DSCAML1: variants seen among roughly 807,000 people sequenced by gnomAD.
DSCAML1 encodes cell adhesion molecule DSCAML1.
DSCAML1 carries 38 observed loss-of-function variants against 200.5 expected under a neutral mutation model. That is an observed-to-expected ratio of 0.19 (90% confidence interval 0.15 to 0.25). DSCAML1 has a LOEUF of 0.25. DSCAML1 is among the 10% of genes least tolerant of loss of function. The pLI is 1.00. For synonymous variants in DSCAML1, 1,215 were observed against 1,165.0 expected (o/e 1.04, Z -0.87); for missense variants, 2,223 against 2,858.8 (o/e 0.78, Z 5.07).
At chr11:117,568,676 C>A (rs970047396) in intron 3 of DSCAML1, among the ~76,000 whole-genome samples, 1 of 152,130 alleles carries the variant, frequency 6.6e-6, no homozygotes, top group Non-Finnish European at 1.5e-5. Context: ...ACATGAACGA[C>A]CTCTTCAAGG....
At chr11:117,784,309 C>G (rs561408506) in intron 1 of DSCAML1, among the ~76,000 whole-genome samples, 1 of 152,322 alleles carries the variant, frequency 6.6e-6, no homozygotes, top group East Asian at 1.9e-4. Context: ...TTTACCATCA[C>G]AAGGCACCTG....
intron 3 of DSCAML1, among the ~76,000 whole-genome samples, chr11:117,546,830 C>T (rs1398912792): frequency 1.3e-5 from 2 of 152,130 alleles, no homozygotes; most frequent in African/African-American, 4.8e-5. Context: ...CTCTCATCCT[C>T]ATATTGCAAC....
intron 3 of DSCAML1, among the ~76,000 whole-genome samples, chr11:117,729,795 T>C (rs1166636950): frequency 6.6e-6 from 1 of 152,008 alleles, no homozygotes; most frequent in African/African-American, 2.4e-5. Context: ...CTAGAACAGG[T>C]GAATATGTTA....
chr11:117,749,778 C>G (rs1371746818), intron 3 of DSCAML1, among the ~76,000 whole-genome samples: 1 of 152,224 alleles, frequency 6.6e-6, no homozygotes. Flanking sequence ...TGGGCATCCA[C>G]GCATGAGATC....
chr11:117,729,455 C>T (rs541739378), intron 3 of DSCAML1, among the ~76,000 whole-genome samples: 12 of 151,928 alleles, frequency 7.9e-5, no homozygotes, highest in African/African-American at 2.7e-4. Flanking sequence ...TTTTGCACTT[C>T]GAGAAAGTGC....
chr11:117,638,539 A>C (rs1218233046), intron 3 of DSCAML1, among the ~76,000 whole-genome samples: 1 of 152,122 alleles, frequency 6.6e-6, no homozygotes, highest in Non-Finnish European at 1.5e-5. Context: ...CTATCACTCC[A>C]ACAGCCTACC....
chr11:117,725,594 T>C (rs2054112647), intron 3 of DSCAML1, among the ~76,000 whole-genome samples: 1 of 152,172 alleles, frequency 6.6e-6, no homozygotes, highest in Non-Finnish European at 1.5e-5. Context: ...AGTGAAAACA[T>C]ATCATCCGTT....
chr11:117,747,915 G>T (rs1373029056), intron 3 of DSCAML1, among the ~76,000 whole-genome samples: 2 of 152,130 alleles, frequency 1.3e-5, no homozygotes, highest in East Asian at 3.9e-4. Context: ...GACTTTACCA[G>T]GAAAGGAGCC....
chr11:117,784,713 C>G (rs1455066072), intron 1 of DSCAML1, among the ~76,000 whole-genome samples: 1 of 152,228 alleles, frequency 6.6e-6, no homozygotes, highest in East Asian at 1.9e-4. Context: ...TACCTCCCCT[C>G]TGGGTGCTCA....
At chr11:117,724,989 C>A (rs1265328767) in intron 3 of DSCAML1, among the ~76,000 whole-genome samples, 1 of 152,114 alleles carries the variant, frequency 6.6e-6, no homozygotes, top group African/African-American at 2.4e-5. Context: ...TGCATAAATT[C>A]TCTGGACACC....
Position 117,430,905 on chromosome 11 carries a change from A to G in DSCAML1, c.5503T>C (p.Phe1835Leu), listed in dbSNP as rs755699438. 1 of 1,614,142 alleles carries G rather than the reference A, an allele frequency of 6.2e-7. No individual in the cohort carries two copies. The highest frequency in any genetic ancestry group is 1.7e-5 in the Admixed American group (1 of 60,022). Residue 1835 changes from phenylalanine (F) to leucine (L), a missense_variant, in exon 32 of 33, where the codon TTC becomes CTC. By Grantham distance (22) the Phe-to-Leu change is conservative. Coordinates refer to ENST00000651296, the MANE Select transcript of DSCAML1 (RefSeq NM_020693.4). The stretch of plus-strand genomic sequence containing the variant: ...TGGTCAGAGGAACTGTCAGAGATGA[A>G]GCACTCGGTGATCTCAAACTTGGCG... Reference protein sequence around the residue: ...QHAKFEITECFISDSSSDQMT... With the variant: ...QHAKFEITECLISDSSSDQMT...
intron 3 of DSCAML1, among the ~76,000 whole-genome samples, chr11:117,557,416 C>G (rs574790553): frequency 6.6e-6 from 1 of 152,162 alleles, no homozygotes. Context: ...CCCAGCCCCC[C>G]TCCTGACCAC....
At chr11:117,616,233 A>T (rs1283178082) in intron 3 of DSCAML1, among the ~76,000 whole-genome samples, 2 of 152,166 alleles carry the variant, frequency 1.3e-5, no homozygotes, top group Non-Finnish European at 2.9e-5. Flanking sequence ...ACTCAAAGGC[A>T]CTATTTGGAT....
intron 3 of DSCAML1, among the ~76,000 whole-genome samples, chr11:117,740,658 CCACACCGTT>C (rs955599407): frequency 1.3e-5 from 2 of 152,238 alleles, no homozygotes; most frequent in East Asian, 3.8e-4. Flanking sequence ...CTCACTCCTG[CCACACCGTT>C]GACTCCAGCC....
intron 11 of DSCAML1, among the ~76,000 whole-genome samples, chr11:117,501,263 C>T (rs935032728): frequency 2.6e-5 from 4 of 152,110 alleles, no homozygotes; most frequent in African/African-American, 9.7e-5. Flanking sequence ...TTGGAACAGG[C>T]ACCTGCCTCG....
chr11:117,650,135 T>G (rs1184827083), intron 3 of DSCAML1, among the ~76,000 whole-genome samples: 1 of 152,156 alleles, frequency 6.6e-6, no homozygotes, highest in Non-Finnish European at 1.5e-5. Context: ...ATCTGTGAAC[T>G]TCCAAAAAAC....
intron 3 of DSCAML1, among the ~76,000 whole-genome samples, chr11:117,637,638 C>A (rs1425144290): frequency 6.6e-6 from 1 of 152,108 alleles, no homozygotes; most frequent in Non-Finnish European, 1.5e-5. Flanking sequence ...AGCCACTGCT[C>A]CCCGCCCTCA....
chr11:117,755,573 A>G (rs999054014), intron 3 of DSCAML1, among the ~76,000 whole-genome samples: 2 of 152,192 alleles, frequency 1.3e-5, no homozygotes, highest in African/African-American at 4.8e-5. Flanking sequence ...TTGCTCAGGA[A>G]TTCTATGCAG....
chr11:117,614,104 A>G (rs2051759054), intron 3 of DSCAML1, among the ~76,000 whole-genome samples: 1 of 152,028 alleles, frequency 6.6e-6, no homozygotes. Context: ...TGCCCTGGAG[A>G]GAGATATATA....
Sources: gnomAD v4.1 joint callset for allele counts (sites outside exome capture counted in the v4.1 genomes callset) on GRCh38, gnomAD v4.1.1 for gene constraint, MANE v1.5 for transcripts, NCBI Gene and HGNC (gene_info 2026-07-23, HGNC 2026-07-21) for gene names.